Variants in FCHSD2 observed in about 807,000 individuals in gnomAD.
The protein encoded by FCHSD2 is F-BAR and double SH3 domains protein 2.
Under a neutral mutation model 108.1 loss-of-function variants are expected in FCHSD2, and 38 were observed. The ratio of observed to expected loss-of-function variants is 0.35; its 90% confidence interval spans 0.27 to 0.46. FCHSD2 has a LOEUF of 0.46. Among genes scored for constraint, FCHSD2 ranks in the 20% least tolerant of loss-of-function variants. FCHSD2 has a pLI of 1.00. For missense variants in FCHSD2, 751 were observed against 897.8 expected (o/e 0.84, Z 2.09); for synonymous variants, 279 against 314.7 (o/e 0.89, Z 1.20).
At chr11:72,979,774 A>C (rs1857177718) in intron 8 of FCHSD2, among the ~76,000 whole-genome samples, 1 of 152,046 alleles carries the variant, frequency 6.6e-6, no homozygotes, top group African/African-American at 2.4e-5. Context: ...AAAATAAGAC[A>C]TATCATAAAG....
At chr11:72,974,671 C>T (rs1017525065) in intron 8 of FCHSD2, among the ~76,000 whole-genome samples, 4 of 152,022 alleles carry the variant, frequency 2.6e-5, no homozygotes, top group African/African-American at 9.7e-5. Flanking sequence ...TTTTTAGTTA[C>T]TTTCAGTATT....
chr11:73,077,576 A>G (rs1859587235), intron 3 of FCHSD2: 1 of 410,756 alleles, frequency 2.4e-6, no homozygotes, highest in Non-Finnish European at 4.7e-6. Flanking sequence ...AAATGTTTAT[A>G]GCAACTTTAT....
chr11:73,080,475 C>G (rs1859659286), intron 3 of FCHSD2, among the ~76,000 whole-genome samples: 1 of 151,440 alleles, frequency 6.6e-6, no homozygotes. Context: ...AAAAAAAGAC[C>G]AAGTTTAAAT....
At chr11:73,092,510 G>A (rs1386176692) in intron 2 of FCHSD2, among the ~76,000 whole-genome samples, 1 of 152,114 alleles carries the variant, frequency 6.6e-6, no homozygotes, top group African/African-American at 2.4e-5. Context: ...AGCTCCTTGA[G>A]AGCATTTAAG....
At chr11:73,036,227 A>G (rs1858493510) in intron 3 of FCHSD2, among the ~76,000 whole-genome samples, 1 of 152,116 alleles carries the variant, frequency 6.6e-6, no homozygotes, top group Non-Finnish European at 1.5e-5. Context: ...AGGAAGAAAA[A>G]TATACAATTA....
chr11:72,963,194 G>T (rs1299955459), intron 8 of FCHSD2, among the ~76,000 whole-genome samples: 1 of 152,154 alleles, frequency 6.6e-6, no homozygotes, highest in African/African-American at 2.4e-5. Flanking sequence ...CCAGAACAGT[G>T]TTAGGCCCAT....
At chr11:73,076,928 G>A (rs1244139208) in intron 3 of FCHSD2, among the ~76,000 whole-genome samples, 1 of 151,592 alleles carries the variant, frequency 6.6e-6, no homozygotes, top group Non-Finnish European at 1.5e-5. Flanking sequence ...GGCTAACATG[G>A]TGAAACCCCG....
chr11:72,860,624 C>T (rs1393802125), intron 13 of FCHSD2, among the ~76,000 whole-genome samples: 1 of 152,056 alleles, frequency 6.6e-6, no homozygotes, highest in Non-Finnish European at 1.5e-5. Context: ...GTGGGTGAAT[C>T]GCTAGAGCTC....
chr11:72,972,333 C>T (rs982579105), intron 8 of FCHSD2, among the ~76,000 whole-genome samples: 1 of 152,096 alleles, frequency 6.6e-6, no homozygotes, highest in Non-Finnish European at 1.5e-5. Context: ...CTAGGTAAAG[C>T]TTAGACCTCT....
intron 3 of FCHSD2, among the ~76,000 whole-genome samples, chr11:73,033,358 A>C (rs1858412140): frequency 6.6e-6 from 1 of 152,068 alleles, no homozygotes. Flanking sequence ...AGTCCTGTCC[A>C]AAGATGATAT....
rs553612932 is a variant in FCHSD2, at chr11:72,948,198, G to C, written c.706-26248C>G. On this transcript the variant is annotated intron_variant, in intron 8 of 19. Transcript: ENST00000409418. ...AATTTTTGTATTTTTAGTAGAGATG[G>C]GGTTTTGCCATGTTGGCCAGGCTGG... Among the ~76,000 whole-genome samples the C allele has an allele frequency of 2.9e-4, 44 of 152,170 alleles. No homozygotes were observed. The South Asian group carries it at 4.6e-3, about 16-fold the overall frequency.
rs193011273 is a variant in FCHSD2 at position 73,081,931 on chromosome 11, G to A, written c.165+1764C>T. Among the ~76,000 whole-genome samples the A allele has an allele frequency of 1.2e-4, 19 of 152,170 alleles. No homozygotes were observed. The East Asian group carries it at 2.9e-3, about 23-fold the overall frequency. On this transcript the variant is annotated intron_variant, in intron 3 of 19. Coordinates refer to ENST00000409418, the MANE Select transcript of FCHSD2 (RefSeq NM_014824.3). ...AGAAAAAGCATTCAAGATCGGGCGCGGTGACTCACGCCTGTAATCCCAGCA... is the reference window on the plus strand; with the variant it reads ...AGAAAAAGCATTCAAGATCGGGCGCAGTGACTCACGCCTGTAATCCCAGCA...
chr11:72,931,668 G>C (rs1856195696), intron 8 of FCHSD2, among the ~76,000 whole-genome samples: 1 of 151,962 alleles, frequency 6.6e-6, no homozygotes, highest in South Asian at 2.1e-4. Flanking sequence ...GGGAGGTTGA[G>C]TTAGGAGAAT....
chr11:73,043,961 AT>A (rs1444551353), intron 3 of FCHSD2, among the ~76,000 whole-genome samples: 1 of 152,190 alleles, frequency 6.6e-6, no homozygotes, highest in Non-Finnish European at 1.5e-5. Flanking sequence ...CCATTCACCA[AT>A]TTTGGCAACA....
Position 73,007,823 on chromosome 11 carries a change from A to G in FCHSD2, c.243-6689T>C, listed in dbSNP as rs1294144873. 3.3e-5 allele frequency among the ~76,000 whole-genome samples: 5 copies of G among 152,290 alleles called. No individual in the cohort carries two copies. In the East Asian group the frequency reaches 9.6e-4, roughly 29 times the overall value. On this transcript the variant is annotated intron_variant, in intron 4 of 19. Transcript: ENST00000409418. ...AAGTTGGATGACTGTATCAGTATCA[A>G]TTTCTTGGTTGTGATATTGTACTAC...
chr11:73,053,804 A>G (rs1858958417), intron 3 of FCHSD2, among the ~76,000 whole-genome samples: 1 of 152,230 alleles, frequency 6.6e-6, no homozygotes, highest in Non-Finnish European at 1.5e-5. Context: ...CTATATTAAT[A>G]GAAGATATCT....
At chr11:72,873,328 CA>C (rs200837586) in intron 12 of FCHSD2, among the ~76,000 whole-genome samples, 2,613 of 121,124 alleles carry the variant, frequency 0.022, 54 homozygotes, top group African/African-American at 0.066. Flanking sequence ...GACTCTGTTT[CA>C]AAAAAAAAAA....
At chr11:73,078,335 C>T (rs1272480633) in intron 3 of FCHSD2, among the ~76,000 whole-genome samples, 1 of 152,086 alleles carries the variant, frequency 6.6e-6, no homozygotes, top group East Asian at 1.9e-4. Context: ...AGTTCTACCC[C>T]CAGACATATA....
intron 2 of FCHSD2, among the ~76,000 whole-genome samples, chr11:73,114,842 A>G (rs1201055701): frequency 6.6e-6 from 1 of 151,954 alleles, no homozygotes; most frequent in East Asian, 1.9e-4. Context: ...TCTCAAGCGG[A>G]AGGAGGGGGT....
Sources: allele counts gnomAD v4.1 joint callset (sites outside exome capture counted in the v4.1 genomes callset), GRCh38; gene constraint gnomAD v4.1.1; transcripts MANE v1.5; gene names NCBI Gene and HGNC (gene_info 2026-07-23, HGNC 2026-07-21).